Variants in IFT81 observed in about 807,000 individuals in gnomAD.
The protein encoded by IFT81 is intraflagellar transport 81, also known as intraflagellar transport protein 81 homolog.
Under a neutral mutation model 102.6 loss-of-function variants are expected in IFT81, and 72 were observed. The observed-to-expected ratio is 0.70, with a 90% confidence interval of 0.58 to 0.85. The LOEUF is 0.85. Ranked by LOEUF, IFT81 falls within the 40% of genes least tolerant of loss-of-function variation. The pLI, the probability that IFT81 is intolerant of heterozygous loss-of-function variation, is 0.00. For synonymous variants in IFT81, 237 were observed against 242.7 expected, an observed-to-expected ratio of 0.98 and a Z score of 0.22; for missense variants, 723 against 787.3, an observed-to-expected ratio of 0.92 and a Z score of 0.98.
intron 14 of IFT81, among the ~76,000 whole-genome samples, chr12:110,198,216 G>A (rs1018000635): frequency 6.0e-5 from 9 of 150,496 alleles, no homozygotes; most frequent in East Asian, 3.9e-4. Flanking sequence ...GAGTGTGCGC[G>A]TATGTGTGTG....
chr12:110,161,836 G>GGAC (rs763576027), intron 10 of IFT81, among the ~76,000 whole-genome samples: 23 of 152,024 alleles, frequency 1.5e-4, no homozygotes, highest in Non-Finnish European at 2.1e-4. Context: ...CTTAAAAAAA[G>GGAC]GACAATAGAA....
chr12:110,131,965 C>G (rs1894190597), intron 4 of IFT81, among the ~76,000 whole-genome samples: 1 of 152,052 alleles, frequency 6.6e-6, no homozygotes, highest in Non-Finnish European at 1.5e-5. Flanking sequence ...ATGGAATGTT[C>G]AGGAACTCAG....
intron 14 of IFT81, among the ~76,000 whole-genome samples, chr12:110,193,696 G>A (rs1037181596): frequency 9.9e-5 from 15 of 152,146 alleles, no homozygotes; most frequent in Non-Finnish European, 2.1e-4. Flanking sequence ...TTAAAAATAC[G>A]TAACTTACTT....
intron 4 of IFT81, among the ~76,000 whole-genome samples, chr12:110,130,823 C>G (rs1481246242): frequency 6.6e-6 from 1 of 151,752 alleles, no homozygotes; most frequent in Non-Finnish European, 1.5e-5. Flanking sequence ...GATATACACA[C>G]ACACAATGAT....
intron 14 of IFT81, among the ~76,000 whole-genome samples, chr12:110,197,493 T>C (rs1479851256): frequency 6.7e-6 from 1 of 148,474 alleles, no homozygotes; most frequent in African/African-American, 2.4e-5. Flanking sequence ...TCTTTTCTCT[T>C]TTTTCCCTTT....
chr12:110,171,261 T>G (rs537443520), intron 11 of IFT81, among the ~76,000 whole-genome samples: 7 of 151,442 alleles, frequency 4.6e-5, no homozygotes, highest in Non-Finnish European at 1.0e-4. Flanking sequence ...AAAGTTTTCA[T>G]GGATTTTTTT....
intron 11 of IFT81, chr12:110,168,538 T>A: frequency 1.6e-6 from 1 of 643,756 alleles, no homozygotes; most frequent in Non-Finnish European, 1.9e-6. Flanking sequence ...TTAAAAAGTA[T>A]CCTGTTTATG....
chr12:110,203,553 A>T (rs1472149539), intron 14 of IFT81: 2 of 261,906 alleles, frequency 7.6e-6, no homozygotes, highest in Non-Finnish European at 1.5e-5. Context: ...TTCCTATCAT[A>T]GCTCTCAGCA....
intron 18 of IFT81, among the ~76,000 whole-genome samples, chr12:110,213,946 A>T (rs1165204557): frequency 2.6e-5 from 4 of 152,082 alleles, no homozygotes; most frequent in African/African-American, 7.2e-5. Context: ...CATACTGTAC[A>T]TTTTCTGTCT....
At chr12:110,209,734 A>G (rs1218395247) in intron 18 of IFT81, among the ~76,000 whole-genome samples, 3 of 148,590 alleles carry the variant, frequency 2.0e-5, no homozygotes, top group Non-Finnish European at 4.4e-5. Context: ...GCGCCATTGC[A>G]CTCTAGCCTG....
chr12:110,134,007 A>G (rs1307180758), intron 5 of IFT81, among the ~76,000 whole-genome samples: 1 of 149,238 alleles, frequency 6.7e-6, no homozygotes, highest in East Asian at 1.9e-4. Flanking sequence ...TTATTTTAAG[A>G]TTTTTTTTTT....
chr12:110,186,334 G>C (rs548085022), intron 12 of IFT81, among the ~76,000 whole-genome samples: 2 of 152,198 alleles, frequency 1.3e-5, no homozygotes, highest in South Asian at 2.1e-4. Context: ...TGGTTGTTCA[G>C]TGGTTTTACT....
intron 10 of IFT81, among the ~76,000 whole-genome samples, chr12:110,152,766 C>G (rs1417728569): frequency 1.3e-5 from 2 of 152,008 alleles, no homozygotes; most frequent in Admixed American, 6.6e-5. Context: ...CTGCACCTGG[C>G]TAATTTTTTG....
chr12:110,126,501 G>A (rs1371924847), intron 1 of IFT81, among the ~76,000 whole-genome samples: 1 of 152,048 alleles, frequency 6.6e-6, no homozygotes, highest in Non-Finnish European at 1.5e-5. Flanking sequence ...AGTCATTTTA[G>A]GCAGAGAAAG....
At chr12:110,160,592 A>C (rs112432090) in intron 10 of IFT81, among the ~76,000 whole-genome samples, 1 of 152,320 alleles carries the variant, frequency 6.6e-6, no homozygotes, top group African/African-American at 2.4e-5. Context: ...CCAGTCCACT[A>C]ACTCAAATGT....
chr12:110,157,605 T>G (rs1895913543), intron 10 of IFT81, among the ~76,000 whole-genome samples: 2 of 152,326 alleles, frequency 1.3e-5, no homozygotes, highest in South Asian at 4.1e-4. Flanking sequence ...TCTTCATATA[T>G]TCTATCTGTC....
intron 11 of IFT81, among the ~76,000 whole-genome samples, chr12:110,167,376 A>T (rs2137458446): frequency 6.6e-6 from 1 of 152,286 alleles, no homozygotes; most frequent in African/African-American, 2.4e-5. Flanking sequence ...TGATCTTCTC[A>T]GTGATAAAAG....
chr12:110,179,747 T>TAC (rs1897218235), intron 11 of IFT81, among the ~76,000 whole-genome samples: 1 of 40,816 alleles, frequency 2.5e-5, no homozygotes, highest in Non-Finnish European at 3.9e-5. Context: ...TATATATATA[T>TAC]ATATATATAT....
Position 110,203,899 on chromosome 12 carries a change from GT to G in IFT81, c.1594del (p.Tyr532MetfsTer15). The G allele has an allele frequency of 6.2e-7, 1 of 1,613,628 alleles. No individual in the cohort carries two copies. Among genetic ancestry groups the G allele is most frequent in the Non-Finnish European group, 8.5e-7 (1 of 1,179,570 alleles). ...TQECDEKKSQYDSCAAGLESN... is the reference protein window; with the variant it reads ...TQECDEKKSQXDSCAAGLESN... ...AGGAGTGTGATGAAAAGAAATCCCA[GT>G]ATGATAGCTGTGCAGCAGGCCTCGA... On this transcript the variant is annotated frameshift_variant, in exon 15 of 19. Coordinates refer to ENST00000242591, the MANE Select transcript of IFT81 (RefSeq NM_014055.4). LOFTEE classifies it high-confidence loss of function.
Sources: gnomAD v4.1 joint callset for allele counts (sites outside exome capture counted in the v4.1 genomes callset) on GRCh38, gnomAD v4.1.1 for gene constraint, MANE v1.5 for transcripts, NCBI Gene and HGNC (gene_info 2026-07-23, HGNC 2026-07-21) for gene names.